Variants in DGKB observed in about 807,000 individuals in gnomAD.
DGKB encodes the protein 90 kDa diacylglycerol kinase.
DGKB carries 67 observed loss-of-function variants against 114.3 expected under a neutral mutation model. The observed-to-expected ratio is 0.59, with a 90% CI of 0.48 to 0.72. DGKB has a LOEUF of 0.72. Ranked by LOEUF, DGKB falls within the 30% of genes least tolerant of loss-of-function variation. The pLI, the probability that DGKB is intolerant of heterozygous loss-of-function variation, is 0.00. For missense variants in DGKB, 907 were observed against 975.2 expected (o/e 0.93, Z 0.93); for synonymous variants, 398 against 323.1 (o/e 1.23, Z -2.49).
At chr7:14,196,112 C>G (rs949500013) in intron 23 of DGKB, among the ~76,000 whole-genome samples, 1 of 152,070 alleles carries the variant, frequency 6.6e-6, no homozygotes, top group African/African-American at 2.4e-5. Context: ...AGGCTCTGCA[C>G]AACAGGAATG....
At chr7:14,644,718 CA>C (rs1403391873) in intron 13 of DGKB, among the ~76,000 whole-genome samples, 2 of 152,072 alleles carry the variant, frequency 1.3e-5, no homozygotes, top group African/African-American at 4.8e-5. Flanking sequence ...GAACTTTAAG[CA>C]AACACATTTT....
At chr7:14,729,061 G>A (rs560121915) in intron 5 of DGKB, among the ~76,000 whole-genome samples, 2 of 150,110 alleles carry the variant, frequency 1.3e-5, no homozygotes, top group South Asian at 2.1e-4. Context: ...TATGGTACAC[G>A]TATTTACTTT....
At chr7:14,702,124 T>C (rs1825303988) in intron 6 of DGKB, among the ~76,000 whole-genome samples, 1 of 152,120 alleles carries the variant, frequency 6.6e-6, no homozygotes, top group Non-Finnish European at 1.5e-5. Flanking sequence ...CAACTATAAT[T>C]TGAAATCCAC....
chr7:14,647,405 T>C (rs1394640691), intron 13 of DGKB, among the ~76,000 whole-genome samples: 1 of 152,154 alleles, frequency 6.6e-6, no homozygotes, highest in Non-Finnish European at 1.5e-5. Context: ...ACCAAACTTT[T>C]AAAGACAAAC....
intron 5 of DGKB, among the ~76,000 whole-genome samples, chr7:14,731,688 T>C (rs1439735923): frequency 2.0e-5 from 3 of 152,172 alleles, no homozygotes; most frequent in Non-Finnish European, 4.4e-5. Flanking sequence ...CTCAACCATC[T>C]TTCTGCAACC....
intron 23 of DGKB, among the ~76,000 whole-genome samples, chr7:14,242,492 GGA>G (rs1340054206): frequency 2.0e-5 from 3 of 152,200 alleles, no homozygotes; most frequent in Admixed American, 2.0e-4. Context: ...GAGAAGGAGC[GGA>G]GAGCTGTGAG....
At chr7:14,220,439 G>A (rs1789751664) in intron 23 of DGKB, among the ~76,000 whole-genome samples, 1 of 151,316 alleles carries the variant, frequency 6.6e-6, no homozygotes, top group African/African-American at 2.4e-5. Flanking sequence ...ACAGATACAT[G>A]CATTTATTTA....
At chr7:14,569,750 T>A (rs1798099317) in intron 20 of DGKB, among the ~76,000 whole-genome samples, 1 of 149,184 alleles carries the variant, frequency 6.7e-6, no homozygotes, top group Admixed American at 6.8e-5. Context: ...AATAAGTTTG[T>A]TATAAAATCC....
intron 23 of DGKB, chr7:14,268,797 T>C (rs1377415010): frequency 1.3e-5 from 2 of 152,224 alleles, no homozygotes; most frequent in East Asian, 3.8e-4. Context: ...TTAAGAGTTA[T>C]TAAAAATAAT....
intron 2 of DGKB, among the ~76,000 whole-genome samples, chr7:14,763,244 A>G (rs553406529): frequency 2.6e-5 from 4 of 152,012 alleles, no homozygotes; most frequent in African/African-American, 9.6e-5. Flanking sequence ...TATCCACAAA[A>G]TCTCTCAGGA....
intron 20 of DGKB, among the ~76,000 whole-genome samples, chr7:14,513,847 A>G (rs11982590): frequency 0.35 from 53,247 of 151,760 alleles, 9,935 homozygotes; most frequent in Admixed American, 0.46. Flanking sequence ...AAATATAAAA[A>G]TGTTTTATCT....
rs147709746 is a variant in DGKB, at chr7:14,825,487, G to A, written c.70+15707C>T. Among the ~76,000 whole-genome samples, 670 of 152,256 alleles carry A rather than the reference G, an allele frequency of 4.4e-3. 2 individuals carry two copies. The highest frequency in any genetic ancestry group is 6.3e-3 in the Admixed American group (97 of 15,296). On this transcript the variant is annotated intron_variant, in intron 2 of 25. Coordinates refer to ENST00000402815, the MANE Select transcript of DGKB (RefSeq NM_001350709.2). ...ATCGGATATTATATTTTCATAAGGA[G>A]CACACAACCTAGTCCCTTGCATGTG... is the stretch of plus-strand genomic sequence containing the variant.
chr7:14,262,763 GC>G (rs111644692), intron 23 of DGKB, among the ~76,000 whole-genome samples: 12 of 152,192 alleles, frequency 7.9e-5, no homozygotes, highest in Admixed American at 3.3e-4. Flanking sequence ...CAGAATTAGG[GC>G]CAAACCAGCT....
intron 23 of DGKB, among the ~76,000 whole-genome samples, chr7:14,228,884 C>CTGTGTGTGTGTGTGTGTGTGTGTGTG (rs71548072): frequency 5.6e-4 from 83 of 148,746 alleles, no homozygotes; most frequent in Middle Eastern, 3.4e-3. Context: ...AGTTTTTTTT[C>CTGTGTGTGTGTGTGTGTGTGTGTGTG]TGTGTGTGTG....
At chr7:14,212,440 A>G (rs62445573) in intron 23 of DGKB, among the ~76,000 whole-genome samples, 2,416 of 107,142 alleles carry the variant, frequency 0.023, 435 homozygotes, top group African/African-American at 0.038. Context: ...ATTTACTCTC[A>G]TGTTTTGTGT....
At chr7:14,625,387 G>A (rs1308714112) in intron 14 of DGKB, among the ~76,000 whole-genome samples, 6 of 152,092 alleles carry the variant, frequency 3.9e-5, no homozygotes, top group Admixed American at 6.5e-5. Context: ...GGAAGGGGGA[G>A]GCAACTGTAT....
chr7:14,387,582 G>A (rs1342625264), intron 21 of DGKB, among the ~76,000 whole-genome samples: 1 of 151,842 alleles, frequency 6.6e-6, no homozygotes, highest in Non-Finnish European at 1.5e-5. Flanking sequence ...TCAGCTAATT[G>A]TTTTGTTTGT....
intron 9 of DGKB, among the ~76,000 whole-genome samples, chr7:14,691,130 G>A (rs1243326317): frequency 6.6e-6 from 1 of 152,190 alleles, no homozygotes; most frequent in Non-Finnish European, 1.5e-5. Flanking sequence ...TTAAACTGCT[G>A]TTGCTGGAGA....
At chr7:14,268,230 C>CA (rs1554316636) in intron 23 of DGKB, among the ~76,000 whole-genome samples, 115 of 149,124 alleles carry the variant, frequency 7.7e-4, no homozygotes, top group Non-Finnish European at 1.2e-3. Context: ...CACACACACA[C>CA]CACACACACA....
Sources: allele counts gnomAD v4.1 joint callset (sites outside exome capture counted in the v4.1 genomes callset), GRCh38; gene constraint gnomAD v4.1.1; transcripts MANE v1.5; gene names NCBI Gene and HGNC (gene_info 2026-07-23, HGNC 2026-07-21).